CRMP1: variants seen among roughly 807,000 people sequenced by gnomAD.
The protein encoded by CRMP1 is collapsin response mediator protein 1.
Under a neutral mutation model 68.3 loss-of-function variants are expected in CRMP1, and 19 were observed. The ratio of observed to expected loss-of-function variants is 0.28; its 90% confidence interval spans 0.19 to 0.41. The LOEUF is 0.41. Among genes scored for constraint, CRMP1 ranks in the 10% least tolerant of loss-of-function variants. CRMP1 has a pLI of 1.00. For missense variants in CRMP1, 791 were observed against 967.4 expected (o/e 0.82, Z 2.42); for synonymous variants, 439 against 399.6 (o/e 1.10, Z -1.18).
rs1250760382 is a variant in CRMP1 at position 5,879,580 on chromosome 4, T to C, written c.382-12824A>G. On this transcript the variant is annotated intron_variant, in intron 1 of 13. Transcript: ENST00000324989. This position sits in a 1 kb window ranked among gnomAD's most constrained non-coding sequence, Gnocchi z 4.2. The stretch of plus-strand genomic sequence containing the variant: ...CATCTATAAATGGAACCCATCAAAA[T>C]ACCTACCTCACAAGATTACTTGAAA... 6.6e-6 allele frequency among the ~76,000 whole-genome samples: 1 copy of C among 152,196 alleles called. No homozygotes were observed. Among genetic ancestry groups the C allele is most frequent in the Non-Finnish European group, 1.5e-5 (1 of 68,040 alleles).
chr4:5,821,778 G>T lies in CRMP1; in HGVS notation c.2043C>A (p.Asn681Lys). ...RIVAPPGGRSNITSLG is the reference protein window; with the variant it reads ...RIVAPPGGRSKITSLG Reference sequence around the variant, plus strand: ...TCCACGTTCAACCGAGGCTGGTGATGTTGGAGCGGCCACCAGGGGGCGCCA... The same window carrying T: ...TCCACGTTCAACCGAGGCTGGTGATTTTGGAGCGGCCACCAGGGGGCGCCA... Residue 681 changes from asparagine to lysine, a missense_variant, in exon 14 of 14, where the codon AAC (asparagine) becomes AAA (lysine). Asn to Lys is a moderately conservative substitution (Grantham distance 94, BLOSUM62 0). Around this residue, in one of 3 missense-constraint regions of CRMP1, gnomAD observed 594 missense variants for 763.6 expected, o/e 0.78. Transcript: ENST00000324989. This position sits in a 1 kb window ranked among gnomAD's most constrained non-coding sequence, Gnocchi z 4.4. 6.2e-7 allele frequency: 1 copy of T among 1,610,940 alleles called. No homozygotes were observed. The highest frequency in any genetic ancestry group is 8.5e-7 in the Non-Finnish European group (1 of 1,178,588).
Position 5,891,252 on chromosome 4 carries a change from C to T in CRMP1, c.381+1337G>A, listed in dbSNP as rs1715937360. Among the ~76,000 whole-genome samples, 1 of 147,146 alleles carries T rather than the reference C, an allele frequency of 6.8e-6. No individual in the cohort carries two copies. The highest frequency in any genetic ancestry group is 1.5e-5 in the Non-Finnish European group (1 of 65,876). ...CCTCTCCCTCGCGAGGCTCCGGCTT[C>T]AGGACCACGGAGAGCTCTGGAGCAA... On this transcript the variant is annotated intron_variant, in intron 1 of 13. Transcript: ENST00000324989. The surrounding 1 kb of genome is among the most constrained non-coding windows in gnomAD (Gnocchi z 5.2).
Position 5,881,972 on chromosome 4 carries a change from C to T in CRMP1, c.381+10617G>A, listed in dbSNP as rs1180269180. Reference sequence around the variant, plus strand: ...ATTGTCCATTGAGACACCTCAATTTCGAGCTTGCTACCAAATCCAATACAA... The same window carrying T: ...ATTGTCCATTGAGACACCTCAATTTTGAGCTTGCTACCAAATCCAATACAA... On this transcript the variant is annotated intron_variant, in intron 1 of 13. Transcript: ENST00000324989. The surrounding 1 kb of genome is among the most constrained non-coding windows in gnomAD (Gnocchi z 4.6). Among the ~76,000 whole-genome samples the T allele has an allele frequency of 6.6e-6, 1 of 152,142 alleles. No homozygotes were observed. Among genetic ancestry groups the T allele is most frequent in the African/African-American group, 2.4e-5 (1 of 41,442 alleles).
At position 5,861,582 on chromosome 4, in the gene CRMP1, G is replaced by A. The variant is rs1181136399; in HGVS notation, c.471-372C>T. 6.6e-6 allele frequency among the ~76,000 whole-genome samples: 1 copy of A among 152,180 alleles called. No homozygotes were observed. Among genetic ancestry groups the A allele is most frequent in the South Asian group, 2.1e-4 (1 of 4,826 alleles). On this transcript the variant is annotated intron_variant, in intron 2 of 13. Coordinates refer to ENST00000324989, the MANE Select transcript of CRMP1 (RefSeq NM_001014809.3). This position sits in a 1 kb window ranked among gnomAD's most constrained non-coding sequence, Gnocchi z 6.0. ...TCATGTCTATTCTGATGTAACAGGT[G>A]CCTGAAAACTTCCTCCAGGAGGTTA...
At chr4:5,869,681 C>CA (rs33973891) in intron 1 of CRMP1, among the ~76,000 whole-genome samples, 5,218 of 92,694 alleles carry the variant, frequency 0.056, 165 homozygotes, top group African/African-American at 0.096. Flanking sequence ...AAGACTCCGT[C>CA]AAAAAAAAAA....
chr4:5,874,972 C>T (rs909315738), intron 1 of CRMP1, among the ~76,000 whole-genome samples: 1 of 152,198 alleles, frequency 6.6e-6, no homozygotes, highest in South Asian at 2.1e-4. Context: ...CCTGTCTCTA[C>T]TGCCAAATGT....
chr4:5,868,328 G>T (rs949966087), intron 1 of CRMP1, among the ~76,000 whole-genome samples: 4 of 138,408 alleles, frequency 2.9e-5, no homozygotes, highest in Non-Finnish European at 6.1e-5. Context: ...TTGAGACGGA[G>T]TCTCACTCTG....
Position 5,853,643 on chromosome 4 carries a change from C to T in CRMP1, c.821-2174G>A, listed in dbSNP as rs568321528. Among the ~76,000 whole-genome samples the T allele has an allele frequency of 1.3e-5, 2 of 152,184 alleles. No individual in the cohort carries two copies. The highest frequency in any genetic ancestry group is 4.1e-4 in the South Asian group (2 of 4,830). On this transcript the variant is annotated intron_variant, in intron 4 of 13. Coordinates refer to ENST00000324989, the MANE Select transcript of CRMP1 (RefSeq NM_001014809.3). This position sits in a 1 kb window ranked among gnomAD's most constrained non-coding sequence, Gnocchi z 4.7. Reference sequence around the variant, plus strand: ...AATACCCAGGGGATATCCCCACTCCCGTGTTCATTGAGGCATTGTTTATAA... The same window carrying T: ...AATACCCAGGGGATATCCCCACTCCTGTGTTCATTGAGGCATTGTTTATAA...
chr4:5,871,768 C>T (rs995364057), intron 1 of CRMP1, among the ~76,000 whole-genome samples: 5 of 152,202 alleles, frequency 3.3e-5, no homozygotes, highest in African/African-American at 4.8e-5. Flanking sequence ...ATATTTGATA[C>T]GAATACTCAA....
chr4:5,887,287 A>G (rs1172850102), intron 1 of CRMP1: 3 of 930,484 alleles, frequency 3.2e-6, no homozygotes, highest in Non-Finnish European at 3.8e-6. Flanking sequence ...TTTTGCATAA[A>G]TGAGCAGGCT....
chr4:5,892,833 T>G lies in CRMP1; in HGVS notation c.137A>C (p.Lys46Thr). Residue 46 changes from lysine (K) to threonine (T), a missense_variant, in exon 1 of 14, where the codon AAG becomes ACG. Physicochemically the swap from Lys to Thr is moderately conservative, Grantham distance 78. Coordinates refer to ENST00000324989, the MANE Select transcript of CRMP1 (RefSeq NM_001014809.3). This position sits in a 1 kb window ranked among gnomAD's most constrained non-coding sequence, Gnocchi z 8.6. ...ACTGTAGGCGTCGAAGTCGATGGTC[T>G]TGTTCTCGTAGGCGCCCTCCACCGC... Reference protein sequence around the residue: ...FAAVEGAYENKTIDFDAYSVG... With the variant: ...FAAVEGAYENTTIDFDAYSVG... 7.1e-7 allele frequency: 1 copy of G among 1,415,184 alleles called. No homozygotes were observed. Among genetic ancestry groups the G allele is most frequent in the Non-Finnish European group, 9.3e-7 (1 of 1,073,032 alleles). 87.7% of individuals were successfully genotyped at this position (1,415,184 alleles called of 1,614,324 possible). A position where few individuals can be genotyped will look rare whatever the true frequency, so the allele number is the denominator to read the frequency against.
chr4:5,870,600 T>A lies in CRMP1; in HGVS notation c.382-3844A>T, dbSNP rs922213911. 6.6e-6 allele frequency among the ~76,000 whole-genome samples: 1 copy of A among 152,076 alleles called. No homozygotes were observed. The highest frequency in any genetic ancestry group is 2.4e-5 in the African/African-American group (1 of 41,408). ...GGTGACTGAACTGATTCTTGACAGA[T>A]GAATGGGTGAAGATGGAGAGAAAGG... On this transcript the variant is annotated intron_variant, in intron 1 of 13. Transcript: ENST00000324989. The surrounding 1 kb of genome is among the most constrained non-coding windows in gnomAD (Gnocchi z 6.0).
At chr4:5,824,670 G>A (rs73797910) in intron 13 of CRMP1, 1 of 952,676 alleles carries the variant, frequency 1.0e-6, no homozygotes, top group African/African-American at 1.8e-5. Context: ...CCTAGATGTT[G>A]ACATCCTAGA....
In CRMP1 at chr4:5,889,066, T is replaced by A. The variant is rs766281263; in HGVS notation, c.381+3523A>T. Among the ~76,000 whole-genome samples, 1 of 152,020 alleles carries A rather than the reference T, an allele frequency of 6.6e-6. No individual in the cohort carries two copies. The highest frequency in any genetic ancestry group is 2.4e-5 in the African/African-American group (1 of 41,410). On this transcript the variant is annotated intron_variant, in intron 1 of 13. Coordinates refer to ENST00000324989, the MANE Select transcript of CRMP1 (RefSeq NM_001014809.3). This position sits in a 1 kb window ranked among gnomAD's most constrained non-coding sequence, Gnocchi z 4.5. ...GAATAGTCTACCCCAGACAAAAGCC[T>A]GTCCACTCCCCTAGACCCATCTCCA... is the stretch of plus-strand genomic sequence containing the variant.
chr4:5,840,718 G>A (rs1711658159), intron 8 of CRMP1, among the ~76,000 whole-genome samples: 1 of 152,218 alleles, frequency 6.6e-6, no homozygotes, highest in Admixed American at 6.5e-5. Context: ...GAACCTGCCT[G>A]CTTACCCGCT....
At chr4:5,830,441 T>G (rs1720284912) in intron 11 of CRMP1, among the ~76,000 whole-genome samples, 1 of 152,218 alleles carries the variant, frequency 6.6e-6, no homozygotes, top group Admixed American at 6.5e-5. Context: ...AAATTATCAT[T>G]CTTTCAAAAA....
rs892943239 is a variant in CRMP1 at position 5,859,145 on chromosome 4, C to T, written c.655+1881G>A. 3.3e-5 allele frequency among the ~76,000 whole-genome samples: 5 copies of T among 152,220 alleles called. No homozygotes were observed. ...AGTCCCCTTGACAACGAGCATCATT[C>T]CTGCTTTTGTTCACCTGGTACAGTG... is the stretch of plus-strand genomic sequence containing the variant. On this transcript the variant is annotated intron_variant, in intron 3 of 13. Transcript: ENST00000324989. The surrounding 1 kb of genome is among the most constrained non-coding windows in gnomAD (Gnocchi z 5.2).
chr4:5,861,132 A>G lies in CRMP1; in HGVS notation c.549T>C (p.Gly183=). The change falls in exon 3 of 14, where the codon GGT becomes GGC. Residue 183 remains glycine, a synonymous_variant. Coordinates refer to ENST00000324989, the MANE Select transcript of CRMP1 (RefSeq NM_001014809.3). The surrounding 1 kb of genome is among the most constrained non-coding windows in gnomAD (Gnocchi z 6.0). ...TCTGCAGGTACGTGTTGACATCAAT[A>G]CCTCCGGGAATAACCATCCGCCCGT... ...EANGRMVIPG[G]IDVNTYLQKP... is the part of the protein sequence containing the mutation. The G allele has an allele frequency of 6.2e-7, 1 of 1,614,054 alleles. No homozygotes were observed. The highest frequency in any genetic ancestry group is 8.5e-7 in the Non-Finnish European group (1 of 1,180,008).
rs1713024235 is a variant in CRMP1, at chr4:5,855,963, G to C, written c.820+180C>G. Among the ~76,000 whole-genome samples the C allele has an allele frequency of 6.6e-6, 1 of 152,204 alleles. No individual in the cohort carries two copies. Among genetic ancestry groups the C allele is most frequent in the African/African-American group, 2.4e-5 (1 of 41,450 alleles). On this transcript the variant is annotated intron_variant, in intron 4 of 13. Transcript: ENST00000324989. This position sits in a 1 kb window ranked among gnomAD's most constrained non-coding sequence, Gnocchi z 4.9. Reference sequence around the variant, plus strand: ...CAAGGACACCCCCAGAGGTTTTCAAGGAGAAAAGGATGGACTCTGTAAAGG... The same window carrying C: ...CAAGGACACCCCCAGAGGTTTTCAACGAGAAAAGGATGGACTCTGTAAAGG...
Sources: allele counts gnomAD v4.1 joint callset (sites outside exome capture counted in the v4.1 genomes callset), GRCh38; gene constraint gnomAD v4.1.1; regional missense constraint gnomAD v4.1.1; non-coding constraint Gnocchi (gnomAD v3.1); transcripts MANE v1.5; gene names NCBI Gene and HGNC (gene_info 2026-07-23, HGNC 2026-07-21).